The following COL2A1 variants were observed in gnomAD, a reference collection of about 807,000 sequenced individuals.
COL2A1 encodes collagen type II alpha 1 chain.
Under a neutral mutation model 204.5 loss-of-function variants are expected in COL2A1, and 28 were observed. The ratio of observed to expected loss-of-function variants is 0.14; its 90% confidence interval spans 0.10 to 0.19. COL2A1 has a LOEUF of 0.19. Among genes scored for constraint, COL2A1 ranks in the 10% least tolerant of loss-of-function variants. The probability of loss-of-function intolerance (pLI) is 1.00; values close to 1 mark genes in which losing one functional copy is unlikely to be tolerated. For synonymous variants in COL2A1, 708 were observed against 718.7 expected (o/e 0.99, Z 0.24); for missense variants, 1,388 against 2,027.5 (o/e 0.68, Z 6.06).
intron 2 of COL2A1, among the ~76,000 whole-genome samples, chr12:47,999,315 G>A (rs12308909): frequency 0.19 from 28,959 of 152,128 alleles, 3,049 homozygotes; most frequent in East Asian, 0.33. Context: ...GTCTCCACCC[G>A]TCCCCACGAG....
In COL2A1 at chr12:47,973,455, C is replaced by G. The variant is rs1378980783; in HGVS notation, c.4416G>C (p.Gly1472=). The change falls in exon 54 of 54, where the codon GGG becomes GGC. Residue 1472 remains glycine, a synonymous_variant. Coordinates refer to ENST00000380518, the MANE Select transcript of COL2A1 (RefSeq NM_001844.5). ...TGTCCACACCGAATTCCTGCTCGGG[C>G]CCTCCTATGTCCATGGGTGCAATGT... ...IIDIAPMDIG[G]PEQEFGVDIG... The G allele has an allele frequency of 1.1e-5, 18 of 1,614,118 alleles. No homozygotes were observed. The highest frequency in any genetic ancestry group is 1.5e-5 in the Non-Finnish European group (18 of 1,180,028).
At chr12:47,984,502 G>A (rs1035492576) in intron 28 of COL2A1, 44 bp downstream of exon 28, 1 of 1,604,344 alleles carries the variant, frequency 6.2e-7, no homozygotes. Context: ...CCCTGCAGAT[G>A]CCCGGCCAAC....
Position 47,980,613 on chromosome 12 carries a change from G to T in COL2A1, c.2566C>A (p.Gln856Lys). 6.2e-7 allele frequency: 1 copy of T among 1,612,974 alleles called. No individual in the cohort carries two copies. Among genetic ancestry groups the T allele is most frequent in the East Asian group, 2.2e-5 (1 of 44,868 alleles). ...CCAGGGGCACCAGCATCGCCTTTCTGGCCGGCCTCTCCTTGCTCACCCTTG... is the reference window on the plus strand; with the variant it reads ...CCAGGGGCACCAGCATCGCCTTTCTTGCCGGCCTCTCCTTGCTCACCCTTG... ...GAKGEQGEAG[Q>K]KGDAGAPGPQ... Residue 856 changes from glutamine to lysine, a missense_variant, in exon 39 of 54, where the codon CAG (glutamine) becomes AAG (lysine). Gln to Lys is a moderately conservative substitution (Grantham distance 53). Transcript: ENST00000380518. The surrounding 1 kb of genome is among the most constrained non-coding windows in gnomAD (Gnocchi z 4.5).
chr12:47,986,548 T>TGGG (rs34642877), intron 22 of COL2A1, 105 bp from the exon 23 acceptor site: 27 of 673,678 alleles, frequency 4.0e-5, no homozygotes, highest in African/African-American at 3.3e-4. Flanking sequence ...GTTTCAGGGC[T>TGGG]GGGGGGGGGC....
Position 47,978,198 on chromosome 12 carries a change from C to A in COL2A1, c.3004-81G>T, listed in dbSNP as rs1938829060. ...GCCCACTGACCCTTCAGGGAGAGGGCAGACAAGGGACAGTCCTGAGGGTGC... is the reference window on the plus strand; with the variant it reads ...GCCCACTGACCCTTCAGGGAGAGGGAAGACAAGGGACAGTCCTGAGGGTGC... On this transcript the variant is annotated intron_variant, in intron 43 of 53. Transcript: ENST00000380518. This position sits in a 1 kb window ranked among gnomAD's most constrained non-coding sequence, Gnocchi z 5.5. 4 of 1,580,278 alleles carry A rather than the reference C, an allele frequency of 2.5e-6. No homozygotes were observed. Among genetic ancestry groups the A allele is most frequent in the Admixed American group, 3.5e-5 (2 of 57,490 alleles).
In COL2A1 at chr12:47,980,402, C is replaced by T. The variant is rs573337523; in HGVS notation, c.2625+152G>A. 1.3e-6 allele frequency: 1 copy of T among 774,036 alleles called. No homozygotes were observed. The highest frequency in any genetic ancestry group is 1.5e-5 in the South Asian group (1 of 66,858). 47.9% of individuals were successfully genotyped at this position (774,036 alleles called of 1,614,324 possible). A position where few individuals can be genotyped will look rare whatever the true frequency, so the allele number is the denominator to read the frequency against. ...TGTCAGTCCCTACACCCCACCCACA[C>T]AGCCCACATGCCACATGGAAGCTCC... On this transcript the variant is annotated intron_variant, in intron 39 of 53. Transcript: ENST00000380518. This position sits in a 1 kb window ranked among gnomAD's most constrained non-coding sequence, Gnocchi z 4.5.
intron 2 of COL2A1, 138 bp from the exon 3 acceptor site, chr12:47,998,569 C>T (rs558243165): frequency 1.1e-6 from 1 of 870,618 alleles, no homozygotes; most frequent in South Asian, 1.6e-5. Context: ...CCTGTGACTC[C>T]ACTGAACCCC....
chr12:47,994,176 G>A, intron 12 of COL2A1, 129 bp from the exon 13 acceptor site: 2 of 1,146,510 alleles, frequency 1.7e-6, no homozygotes, highest in Non-Finnish European at 1.3e-6. Context: ...CACTTGGACA[G>A]CTCTTTCTGT....
chr12:47,994,314 C>T, intron 12 of COL2A1, 110 bp downstream of exon 12: 2 of 1,180,676 alleles, frequency 1.7e-6, no homozygotes, highest in Non-Finnish European at 1.3e-6. Context: ...ATAGGGGCTA[C>T]TGGCGTTTCA....
rs1353000204 is a variant in COL2A1, at chr12:47,980,751, CGT to C, written c.2518-92_2518-91del. On this transcript the variant is annotated intron_variant, in intron 38 of 53. Coordinates refer to ENST00000380518, the MANE Select transcript of COL2A1 (RefSeq NM_001844.5). The surrounding 1 kb of genome is among the most constrained non-coding windows in gnomAD (Gnocchi z 4.5). The stretch of plus-strand genomic sequence containing the variant: ...GAGCAGGAGACTCTGTGAGTATCTG[CGT>C]GTGTGTCCTGGTCTGGACATGATGG... 1.2e-5 allele frequency: 17 copies of C among 1,417,932 alleles called. No individual in the cohort carries two copies. The highest frequency in any genetic ancestry group is 1.7e-4 in the Middle Eastern group (1 of 5,758). 87.8% of individuals were successfully genotyped at this position (1,417,932 alleles called of 1,614,324 possible). A position where few individuals can be genotyped will look rare whatever the true frequency, so the allele number is the denominator to read the frequency against.
At position 47,973,462 on chromosome 12, in the gene COL2A1, A is replaced by G. The variant is rs1938534876; in HGVS notation, c.4409T>C (p.Ile1470Thr). The change falls in exon 54 of 54, where the codon ATA (isoleucine) becomes ACA (threonine). Residue 1470 changes from isoleucine (I) to threonine (T), a missense_variant. Physicochemically the swap from Ile to Thr is moderately conservative, Grantham distance 89. Around this residue, in one of 3 missense-constraint regions of COL2A1, gnomAD observed 303 missense variants for 369.2 expected, o/e 0.82. Transcript: ENST00000380518. Reference sequence around the variant, plus strand: ...ACCGAATTCCTGCTCGGGCCCTCCTATGTCCATGGGTGCAATGTCAATGAT... The same window carrying G: ...ACCGAATTCCTGCTCGGGCCCTCCTGTGTCCATGGGTGCAATGTCAATGAT... ...LPIIDIAPMDIGGPEQEFGVD... is the reference protein window; with the variant it reads ...LPIIDIAPMDTGGPEQEFGVD... The G allele has an allele frequency of 1.2e-6, 2 of 1,614,096 alleles. No individual in the cohort carries two copies. The highest frequency in any genetic ancestry group is 1.7e-6 in the Non-Finnish European group (2 of 1,180,012).
At chr12:47,983,655 G>A (rs1939219622) in intron 30 of COL2A1, 28 bp downstream of exon 30, 1 of 1,586,974 alleles carries the variant, frequency 6.3e-7, no homozygotes, top group Non-Finnish European at 8.6e-7. Context: ...GCAAAGGACT[G>A]CACAGAGAGC....
intron 8 of COL2A1, among the ~76,000 whole-genome samples, chr12:47,996,321 C>T (rs1297274624): frequency 6.6e-6 from 1 of 152,234 alleles, no homozygotes; most frequent in Admixed American, 6.5e-5. Flanking sequence ...AGCCTATATG[C>T]ATCTCCCCAT....
At position 47,989,776 on chromosome 12, in the gene COL2A1, G is replaced by C. The variant is rs756226246; in HGVS notation, c.1053C>G (p.Gly351=). The C allele has an allele frequency of 1.2e-5, 20 of 1,613,404 alleles. No homozygotes were observed. Among genetic ancestry groups the C allele is most frequent in the Non-Finnish European group, 1.5e-5 (18 of 1,179,990 alleles). The change falls in exon 17 of 54, where the codon GGC becomes GGG. Residue 351 remains glycine (G), a synonymous_variant. Transcript: ENST00000380518. ...ATGAACTTACCGGAGGCCCTGCGGG[G>C]CCTGGCTGACCATCGTTGCCTCGGG... The part of the protein sequence containing the change: ...AGARGNDGQP[G]PAGPPGPVGP...
Position 47,997,682 on chromosome 12 carries a change from T to C in COL2A1, c.455A>G (p.Asp152Gly). ...ATTTCCAGGGGTCCCAGGTTCTCCA[T>C]CTCTGCCACGAGGTCCAGGGGCACC... ...EKGAPGPRGR[D>G]GEPGTPGNPG... The change falls in exon 7 of 54, where the codon GAT becomes GGT. Residue 152 changes from aspartate to glycine, a missense_variant. By Grantham distance (94) the Asp-to-Gly change is moderately conservative. Transcript: ENST00000380518. 6.2e-7 allele frequency: 1 copy of C among 1,614,004 alleles called. No individual in the cohort carries two copies. Among genetic ancestry groups the C allele is most frequent in the Non-Finnish European group, 8.5e-7 (1 of 1,179,982 alleles).
At chr12:47,983,159 G>T (rs199990957) in intron 31 of COL2A1, 22 bp from the exon 32 acceptor site, 1 of 1,611,978 alleles carries the variant, frequency 6.2e-7, no homozygotes, top group Non-Finnish European at 8.5e-7. Flanking sequence ...AGAAAGATGT[G>T]TGAGAGTGAA....
chr12:47,974,001 G>A (rs1938564211), intron 53 of COL2A1, 88 bp downstream of exon 53: 1 of 1,588,728 alleles, frequency 6.3e-7, no homozygotes, highest in Admixed American at 1.7e-5. Context: ...TGTCACTTTA[G>A]GACCTGACAG....
At position 47,993,927 on chromosome 12, in the gene COL2A1, AC is replaced by A. The variant is rs1939825697; in HGVS notation, c.870+66del. ...AACCCAAGTTGGAAGAAATGCACGC[AC>A]CCCAAAGTGCTTTTCTCTCCCACCA... On this transcript the variant is annotated intron_variant, in intron 13 of 53. Transcript: ENST00000380518. The A allele has an allele frequency of 1.3e-5, 21 of 1,611,274 alleles. No homozygotes were observed. The South Asian group carries it at 2.3e-4, about 18-fold the overall frequency.
chr12:48,000,186 G>A (rs993698754), intron 1 of COL2A1, 61 bp from the exon 2 acceptor site: 1 of 1,136,420 alleles, frequency 8.8e-7, no homozygotes. Flanking sequence ...TGGGGAGCCA[G>A]AGAGAAAAAG....
Sources: gnomAD v4.1 joint callset for allele counts (sites outside exome capture counted in the v4.1 genomes callset) on GRCh38, gnomAD v4.1.1 for gene constraint, gnomAD v4.1.1 regional missense constraint, Gnocchi (gnomAD v3.1) non-coding constraint, MANE v1.5 for transcripts, NCBI Gene and HGNC (gene_info 2026-07-23, HGNC 2026-07-21) for gene names.